The following ANXA4 variants were observed in gnomAD, a reference collection of about 807,000 sequenced individuals.
ANXA4 encodes the protein 35-beta calcimedin.
In ANXA4, 39 loss-of-function variants were observed where a neutral mutation model predicts 49.8. The ratio of observed to expected loss-of-function variants is 0.78; its 90% CI spans 0.61 to 1.02. ANXA4 has a LOEUF of 1.02. ANXA4 is among the 50% of genes least tolerant of loss of function. The pLI, the probability that ANXA4 is intolerant of heterozygous loss-of-function variation, is 0.00. For missense variants in ANXA4, 360 were observed against 410.1 expected (o/e 0.88, Z 1.05); for synonymous variants, 134 against 152.5 (o/e 0.88, Z 0.89).
At chr2:69,775,745 T>C (rs1483791151) in intron 1 of ANXA4, among the ~76,000 whole-genome samples, 2 of 152,156 alleles carry the variant, frequency 1.3e-5, no homozygotes, top group Non-Finnish European at 2.9e-5. Context: ...ACCCCATGCA[T>C]TTTTAGCCTT....
chr2:69,651,813 TTTTTG>T, intron 1 of ANXA4, among the ~76,000 whole-genome samples: 1 of 36,376 alleles, frequency 2.7e-5, no homozygotes, highest in African/African-American at 1.2e-4. Context: ...TTTTTTTTTT[TTTTTG>T]GGGGGGGGGG....
intron 4 of ANXA4, among the ~76,000 whole-genome samples, chr2:69,805,411 C>T (rs1673401503): frequency 6.6e-6 from 1 of 151,990 alleles, no homozygotes; most frequent in Non-Finnish European, 1.5e-5. Context: ...CGAGACCAGC[C>T]TGACCAACAT....
At chr2:69,698,120 CAT>C (rs1379961333) in intron 2 of ANXA4, among the ~76,000 whole-genome samples, 1 of 152,164 alleles carries the variant, frequency 6.6e-6, no homozygotes, top group Non-Finnish European at 1.5e-5. Context: ...CTTTCTGGTT[CAT>C]AGTTGTTATC....
chr2:69,684,924 G>T (rs1034123976), intron 2 of ANXA4, among the ~76,000 whole-genome samples: 19 of 152,238 alleles, frequency 1.2e-4, no homozygotes, highest in African/African-American at 3.6e-4. Context: ...GTGAGAAAGA[G>T]CCCAAAGCTG....
rs575864135 is a variant in ANXA4 at position 69,785,378 on chromosome 2, A to G, written c.10-2676A>G. On this transcript the variant is annotated intron_variant, in intron 2 of 12. Coordinates refer to ENST00000394295, the MANE Select transcript of ANXA4 (RefSeq NM_001153.5). ...ATATTACATTCTTGGATCCAATTAG[A>G]TTATCAGAAAACTTTAGCTCTATTC... is the stretch of plus-strand genomic sequence containing the variant. Among the ~76,000 whole-genome samples the G allele has an allele frequency of 2.8e-4, 43 of 152,266 alleles. No homozygotes were observed. The East Asian group carries it at 4.2e-3, about 15-fold the overall frequency.
At chr2:69,720,707 T>C (rs371999924) in intron 2 of ANXA4, 7 of 152,360 alleles carry the variant, frequency 4.6e-5, no homozygotes, top group African/African-American at 1.7e-4. Context: ...TCAATCTGCC[T>C]ATATGTGAAC....
chr2:69,794,265 T>A (rs1256362350), intron 3 of ANXA4, among the ~76,000 whole-genome samples: 2 of 152,190 alleles, frequency 1.3e-5, no homozygotes, highest in Admixed American at 1.3e-4. Flanking sequence ...GGTTAAACAG[T>A]TATTTCCCAT....
intron 1 of ANXA4, among the ~76,000 whole-genome samples, chr2:69,742,503 A>T (rs1670438227): frequency 6.6e-6 from 1 of 152,250 alleles, no homozygotes; most frequent in South Asian, 2.1e-4. Flanking sequence ...TGCATCAAAA[A>T]GAAAGGACCG....
intron 2 of ANXA4, among the ~76,000 whole-genome samples, chr2:69,702,161 G>A (rs1483678372): frequency 3.3e-5 from 5 of 151,566 alleles, no homozygotes; most frequent in Non-Finnish European, 5.9e-5. Context: ...ACAGGTGTGC[G>A]CCACCACCCA....
At chr2:69,753,248 C>T (rs1203788906) in intron 1 of ANXA4, among the ~76,000 whole-genome samples, 1 of 152,140 alleles carries the variant, frequency 6.6e-6, no homozygotes, top group Non-Finnish European at 1.5e-5. Flanking sequence ...AGTGCCTGCA[C>T]ACATAGCGAG....
chr2:69,788,706 C>T (rs1177208397), intron 3 of ANXA4, among the ~76,000 whole-genome samples: 10 of 151,578 alleles, frequency 6.6e-5, no homozygotes, highest in Admixed American at 1.3e-4. Flanking sequence ...GGCGTGGTGG[C>T]GGGCGCCTGT....
At chr2:69,752,284 C>G (rs1264238349) in intron 1 of ANXA4, among the ~76,000 whole-genome samples, 1 of 152,192 alleles carries the variant, frequency 6.6e-6, no homozygotes, top group African/African-American at 2.4e-5. Flanking sequence ...GGGACAGGTC[C>G]TAGAGGGTCC....
chr2:69,713,359 A>G (rs1678740050), intron 2 of ANXA4, among the ~76,000 whole-genome samples: 1 of 152,018 alleles, frequency 6.6e-6, no homozygotes, highest in Non-Finnish European at 1.5e-5. Context: ...AAGAAGCGAT[A>G]TGTGGATGAT....
intron 1 of ANXA4, among the ~76,000 whole-genome samples, chr2:69,651,848 C>T (rs1238516649): frequency 8.5e-6 from 1 of 117,124 alleles, no homozygotes; most frequent in Admixed American, 1.0e-4. Flanking sequence ...CAGAGTCTCA[C>T]TCTGTTGACC....
At chr2:69,698,740 T>G (rs532745318) in intron 2 of ANXA4, among the ~76,000 whole-genome samples, 10 of 152,310 alleles carry the variant, frequency 6.6e-5, no homozygotes, top group Non-Finnish European at 1.3e-4. Context: ...ATTCTGGTCC[T>G]TGTCACTCTG....
At chr2:69,815,546 A>T (rs949110785) in intron 8 of ANXA4, 1 of 152,284 alleles carries the variant, frequency 6.6e-6, no homozygotes. Flanking sequence ...GAATGTAAGC[A>T]ATTGGCAATG....
chr2:69,773,028 GA>G (rs1366138664), intron 1 of ANXA4, among the ~76,000 whole-genome samples: 8 of 151,802 alleles, frequency 5.3e-5, no homozygotes, highest in African/African-American at 1.9e-4. Flanking sequence ...AAAAAAGAAA[GA>G]AAGAAAGAAA....
At chr2:69,801,750 G>T (rs1673203798) in intron 3 of ANXA4, among the ~76,000 whole-genome samples, 1 of 152,120 alleles carries the variant, frequency 6.6e-6, no homozygotes, top group African/African-American at 2.4e-5. Flanking sequence ...TCCTGTATCA[G>T]CAGGAGGTAC....
At chr2:69,646,475 T>G (rs916477381) in intron 1 of ANXA4, among the ~76,000 whole-genome samples, 1 of 152,140 alleles carries the variant, frequency 6.6e-6, no homozygotes, top group Admixed American at 6.5e-5. Flanking sequence ...GCTATCTGAT[T>G]AAGGTGGAAA....
Sources: gnomAD v4.1 joint callset for allele counts (sites outside exome capture counted in the v4.1 genomes callset) on GRCh38, gnomAD v4.1.1 for gene constraint, MANE v1.5 for transcripts, NCBI Gene and HGNC (gene_info 2026-07-23, HGNC 2026-07-21) for gene names.